Variants in HNRNPL observed in about 807,000 individuals in gnomAD.
HNRNPL encodes the protein heterogeneous nuclear ribonucleoprotein L, also known as epididymis secretory sperm binding protein.
Under a neutral mutation model 64.0 loss-of-function variants are expected in HNRNPL, and 12 were observed. The observed-to-expected ratio is 0.19, with a 90% CI of 0.12 to 0.30. The LOEUF (loss-of-function observed/expected upper bound fraction) is 0.30. Ranked by LOEUF, HNRNPL falls within the 10% of genes least tolerant of loss-of-function variation. HNRNPL has a pLI of 1.00. For missense variants in HNRNPL, 484 were observed against 797.4 expected, an observed-to-expected ratio of 0.61 and a Z score of 4.73; for synonymous variants, 385 against 313.0, an observed-to-expected ratio of 1.23 and a Z score of -2.43.
Position 38,838,523 on chromosome 19 carries a change from G to C in HNRNPL, c.1431C>G (p.Phe477Leu). 1 of 1,614,100 alleles carries C rather than the reference G, an allele frequency of 6.2e-7. No homozygotes were observed. Among genetic ancestry groups the C allele is most frequent in the Non-Finnish European group, 8.5e-7 (1 of 1,179,990 alleles). Residue 477 changes from phenylalanine (F) to leucine (L), a missense_variant, in exon 10 of 13, where the codon TTC becomes TTG. This residue lies in a region of HNRNPL where 53 missense variants were observed against 131.3 expected (regional missense o/e 0.40). Coordinates refer to ENST00000221419, the MANE Select transcript of HNRNPL (RefSeq NM_001533.3). ...LEDGSCSYKD[F>L]SESRNNRFST... is the part of the protein sequence containing the mutation. ...AGAACCGATTGTTCCGGGATTCACT[G>C]AAGTCTTTGTAACTGCAAGACCCGT...
Position 38,845,699 on chromosome 19 carries a change from C to G in HNRNPL, c.661G>C (p.Val221Leu). The G allele has an allele frequency of 6.2e-7, 1 of 1,613,976 alleles. No individual in the cohort carries two copies. The highest frequency in any genetic ancestry group is 8.5e-7 in the Non-Finnish European group (1 of 1,179,878). Reference sequence around the variant, plus strand: ...TTCCTGAAAATGACAATTCTCTGGACAGGGCCACAAGGATTACAGATAGTG... The same window carrying G: ...TTCCTGAAAATGACAATTCTCTGGAGAGGGCCACAAGGATTACAGATAGTG... ...LYTICNPCGPVQRIVIFRKNG... is the reference protein window; with the variant it reads ...LYTICNPCGPLQRIVIFRKNG... Residue 221 changes from valine to leucine, a missense_variant, in exon 4 of 13, where the codon GTC (valine) becomes CTC (leucine). Around this residue, in one of 9 missense-constraint regions of HNRNPL, gnomAD observed 60 missense variants for 192.2 expected, o/e 0.31. Transcript: ENST00000221419.
At chr19:38,844,167 A>C in intron 4 of HNRNPL, 63 bp from the exon 5 acceptor site, 1 of 1,100,746 alleles carries the variant, frequency 9.1e-7, no homozygotes, top group Admixed American at 1.7e-5. Context: ...AAGTTACCCC[A>C]GAGTGTGATA....
chr19:38,846,227 C>A (rs971006987), intron 2 of HNRNPL, 137 bp from the exon 3 acceptor site: 8 of 714,016 alleles, frequency 1.1e-5, no homozygotes, highest in Non-Finnish European at 1.7e-5. Flanking sequence ...CCGACCTGAA[C>A]ACCCTGTGCC....
rs780107935 is a variant in HNRNPL at position 38,844,104 on chromosome 19, T to C, written c.711A>G (p.Glu237=). The stretch of plus-strand genomic sequence containing the variant: ...GCTGGGCACTTTGAACTGAGTCAAA[T>C]GTGAGTCAAGTTAAGGAAAGTCCCA... ...FRKNGVQAMV[E]FDSVQSAQRA... is the part of the protein sequence containing the mutation. The change falls in exon 5 of 13, where the codon GAA becomes GAG. Residue 237 remains glutamate (E), a splice_region_variant and synonymous_variant. Coordinates refer to ENST00000221419, the MANE Select transcript of HNRNPL (RefSeq NM_001533.3). 9 of 1,606,036 alleles carry C rather than the reference T, an allele frequency of 5.6e-6. No homozygotes were observed. In the East Asian group the frequency reaches 2.0e-4, roughly 36 times the overall value.
intron 4 of HNRNPL, chr19:38,845,214 A>ACCCT (rs1191900142): frequency 2.0e-5 from 3 of 146,488 alleles, no homozygotes; most frequent in African/African-American, 7.8e-5. Context: ...GTTCGAAACC[A>ACCCT]GATCTCTACT....
At chr19:38,850,030 C>T (rs974485452), upstream of HNRNPL, 2 of 1,283,430 alleles carry the variant, frequency 1.6e-6, no homozygotes, top group Admixed American at 8.1e-5. Flanking sequence ...TCACCCGCCG[C>T]CCCCACCCGA....
In HNRNPL at chr19:38,838,928, T is replaced by C; in HGVS notation, c.1321A>G (p.Asn441Asp). Residue 441 changes from asparagine to aspartate, a missense_variant, in exon 9 of 13, where the codon AAC becomes GAC. Physicochemically the swap from Asn to Asp is conservative, Grantham distance 23. Coordinates refer to ENST00000221419, the MANE Select transcript of HNRNPL (RefSeq NM_001533.3). ...AGCTTCTGCCCAAACATGAAGTTGT[T>C]GTTGAGGTGGGTAATGGCCCGGTCT... ...AVDRAITHLN[N>D]NFMFGQKLNV... 6.2e-7 allele frequency: 1 copy of C among 1,614,156 alleles called. No individual in the cohort carries two copies. The highest frequency in any genetic ancestry group is 8.5e-7 in the Non-Finnish European group (1 of 1,180,034).
At chr19:38,844,186 G>A (rs1389207057) in intron 4 of HNRNPL, 82 bp from the exon 5 acceptor site, 4 of 896,162 alleles carry the variant, frequency 4.5e-6, no homozygotes, top group East Asian at 2.4e-5. Context: ...TAAGGACAAG[G>A]TAGCACCCCA....
rs945852374 is a variant in HNRNPL, at chr19:38,840,699, T to C, written c.881-140A>G. The C allele has an allele frequency of 2.1e-5, 15 of 710,354 alleles. No homozygotes were observed. In the East Asian group the frequency reaches 2.8e-4, roughly 13 times the overall value. 44.0% of individuals were successfully genotyped at this position (710,354 alleles called of 1,614,324 possible). ...TCCTCGAGGGCTGTGGGGCCTCCTT[T>C]TGTGATCTGACCTACGGCGGGCATG... is the stretch of plus-strand genomic sequence containing the variant. On this transcript the variant is annotated intron_variant, in intron 6 of 12. Transcript: ENST00000221419.
intron 6 of HNRNPL, chr19:38,841,504 G>T: frequency 2.0e-6 from 1 of 500,998 alleles, no homozygotes; most frequent in Non-Finnish European, 3.7e-6. Context: ...CTGCCACCCG[G>T]CCTGGGTTTT....
chr19:38,848,466 A>G (rs570794773), intron 1 of HNRNPL, among the ~76,000 whole-genome samples: 1 of 152,242 alleles, frequency 6.6e-6, no homozygotes, highest in South Asian at 2.1e-4. Flanking sequence ...TAAGAGAAGT[A>G]TCTTACACCC....
At chr19:38,850,180 T>C, upstream of HNRNPL, 1 of 408,650 alleles carries the variant, frequency 2.4e-6, no homozygotes, top group Admixed American at 4.4e-5. Flanking sequence ...GGTCGCTTTC[T>C]GCCAGTCTTT....
chr19:38,842,562 A>G (rs2145420813), intron 6 of HNRNPL, among the ~76,000 whole-genome samples: 1 of 152,184 alleles, frequency 6.6e-6, no homozygotes, highest in African/African-American at 2.4e-5. Context: ...AGTGAGCTCA[A>G]GTCTGCGGCT....
Position 38,847,305 on chromosome 19 carries a change from G to A in HNRNPL, c.386+11C>T, listed in dbSNP as rs1417821065. The A allele has an allele frequency of 7.2e-7, 1 of 1,386,982 alleles. No homozygotes were observed. The highest frequency in any genetic ancestry group is 1.6e-5 in the South Asian group (1 of 62,822). The allele number at this position is 1,386,982 out of a possible 1,614,324, so 85.9% of individuals were successfully genotyped here. On this transcript the variant is annotated intron_variant, in intron 2 of 12. Coordinates refer to ENST00000221419, the MANE Select transcript of HNRNPL (RefSeq NM_001533.3). ...TTTGGAAGCCCAACACCTGGCCTCT[G>A]AGCCCAGTACCTGATGGGTCCAAAC...
At chr19:38,850,214 T>C, upstream of HNRNPL, 1 of 405,714 alleles carries the variant, frequency 2.5e-6, no homozygotes, top group Non-Finnish European at 4.4e-6. Flanking sequence ...CGCCTTAAAA[T>C]AAAATCCAAT....
rs576269771 is a variant in HNRNPL at position 38,844,201 on chromosome 19, T to C, written c.711-97A>G. The C allele has an allele frequency of 1.5e-3, 1,201 of 776,040 alleles. 3 individuals are homozygous for C. The highest frequency in any genetic ancestry group is 5.3e-3 in the Middle Eastern group (23 of 4,352). The allele number at this position is 776,040 out of a possible 1,614,324, so 48.1% of individuals were successfully genotyped here. ...TAAGGACAAGGTAGCACCCCAAGAC[T>C]GTGGTACAGACGGAAGCTTTGGGAT... is the stretch of plus-strand genomic sequence containing the variant. On this transcript the variant is annotated intron_variant, in intron 4 of 12. Coordinates refer to ENST00000221419, the MANE Select transcript of HNRNPL (RefSeq NM_001533.3).
chr19:38,849,734 C>G lies in HNRNPL; in HGVS notation c.233G>C (p.Gly78Ala), dbSNP rs1972439948. 2 of 1,389,634 alleles carry G rather than the reference C, an allele frequency of 1.4e-6. No individual in the cohort carries two copies. The highest frequency in any genetic ancestry group is 3.3e-5 in the Admixed American group (1 of 30,726). 86.1% of individuals were successfully genotyped at this position (1,389,634 alleles called of 1,614,324 possible). ...GCCGCCGCCCGCCGCCCCGGCTCCT[C>G]CACCGCCACCGCCGCCGCCTCCGTG... ...DQHGGGGGGG[G>A]GAGAAGGGGG... The change falls in exon 1 of 13, where the codon GGA becomes GCA. Residue 78 changes from glycine (G) to alanine (A), a missense_variant. Physicochemically the swap from Gly to Ala is moderately conservative, Grantham distance 60 (BLOSUM62 0). Transcript: ENST00000221419.
chr19:38,849,742 ACCG>A lies in HNRNPL; in HGVS notation c.222_224del (p.Gly79del), dbSNP rs930534287. 1.4e-6 allele frequency: 2 copies of A among 1,384,772 alleles called. No homozygotes were observed. Among genetic ancestry groups the A allele is most frequent in the Non-Finnish European group, 9.3e-7 (1 of 1,071,222 alleles). 85.8% of individuals were successfully genotyped at this position (1,384,772 alleles called of 1,614,324 possible). On this transcript the variant is annotated inframe_deletion, in exon 1 of 13. Transcript: ENST00000221419. ...CCGCCGCCCCGGCTCCTCCACCGCC[ACCG>A]CCGCCGCCTCCGTGCTGGTCGCCGG...
chr19:38,850,076 T>A (rs1381691243), upstream of HNRNPL: 5 of 863,286 alleles, frequency 5.8e-6, no homozygotes, highest in Non-Finnish European at 8.1e-6. Flanking sequence ...GGGGGGAGGG[T>A]AGGCCGCCAC....
Sources: gnomAD v4.1 joint callset for allele counts (sites outside exome capture counted in the v4.1 genomes callset) on GRCh38, gnomAD v4.1.1 for gene constraint, gnomAD v4.1.1 regional missense constraint, MANE v1.5 for transcripts, NCBI Gene and HGNC (gene_info 2026-07-23, HGNC 2026-07-21) for gene names.